H4C15: variants seen among roughly 807,000 people sequenced by gnomAD.
H4C15 encodes the protein histone H4.
downstream of H4C15, chr1:149,850,596 T>C (rs1470901127): frequency 3.5e-6 from 2 of 577,634 alleles, no homozygotes; most frequent in South Asian, 3.9e-5. Flanking sequence ...ATGATGCCCA[T>C]GGCCTTGCAC....
chr1:149,850,575 G>C (rs782629593), downstream of H4C15: 21 of 650,212 alleles, frequency 3.2e-5, no homozygotes, highest in African/African-American at 7.0e-5. Context: ...ATGTCGTTGA[G>C]GAAGGAGTTC....
At chr1:149,848,485 C>A in the H4C15 span, 22 of 152,312 alleles carry the variant, frequency 1.4e-4, no homozygotes, top group Admixed American at 1.2e-3. Flanking sequence ...GCCTTCATAC[C>A]TAAAGACAGT....
At chr1:149,845,275 A>G in the H4C15 span, 1 of 152,262 alleles carries the variant, frequency 6.6e-6, no homozygotes, top group Admixed American at 6.5e-5. Flanking sequence ...ACCACTGCAC[A>G]TTCGGATAAA....
chr1:149,849,932 C>T (rs995006661), downstream of H4C15, among the ~76,000 whole-genome samples: 3 of 152,314 alleles, frequency 2.0e-5, no homozygotes, highest in East Asian at 5.8e-4. Flanking sequence ...TTAATCTCTA[C>T]CTTCATTTTA....
chr1:149,850,752 C>T (rs1553757722), downstream of H4C15: 3 of 237,848 alleles, frequency 1.3e-5, no homozygotes, highest in Non-Finnish European at 2.2e-5. Flanking sequence ...GGAGCCGGCG[C>T]GAACTTTGCA....
chr1:149,846,038 G>T, the H4C15 span: 1 of 152,026 alleles, frequency 6.6e-6, no homozygotes, highest in Admixed American at 6.6e-5. Flanking sequence ...AGAGAAGGGG[G>T]TTAGGTTTGT....
chr1:149,845,594 A>T, the H4C15 span: 1 of 152,296 alleles, frequency 6.6e-6, no homozygotes, highest in African/African-American at 2.4e-5. Flanking sequence ...CAAGCTGGTT[A>T]ATGTGGCTGA....
At chr1:149,848,120 A>C in the H4C15 span, 1 of 152,304 alleles carries the variant, frequency 6.6e-6, no homozygotes, top group Admixed American at 6.5e-5. Flanking sequence ...AAAATTTCAC[A>C]TCTGAAAAAA....
At chr1:149,846,750 T>G in the H4C15 span, 1 of 152,210 alleles carries the variant, frequency 6.6e-6, no homozygotes, top group African/African-American at 2.4e-5. Context: ...AAATAGGATA[T>G]TCTCCTAAAT....
the H4C15 span, chr1:149,845,828 AAG>A: frequency 6.6e-6 from 1 of 152,206 alleles, no homozygotes; most frequent in African/African-American, 2.4e-5. Flanking sequence ...GGCTGACTGA[AAG>A]AGAAATCAAG....
At chr1:149,845,858 T>C in the H4C15 span, 1 of 152,220 alleles carries the variant, frequency 6.6e-6, no homozygotes, top group Non-Finnish European at 1.5e-5. Flanking sequence ...TGTAGGTTTT[T>C]ACACTGAGCA....
downstream of H4C15, chr1:149,850,354 G>A: frequency 1.2e-6 from 1 of 829,170 alleles, no homozygotes; most frequent in Non-Finnish European, 2.0e-6. Flanking sequence ...GCGGAGGGAG[G>A]GAGGGAGGGA....
chr1:149,846,341 ATCAT>A, the H4C15 span: 6 of 152,210 alleles, frequency 3.9e-5, no homozygotes, highest in Non-Finnish European at 7.3e-5. Context: ...ACCAATGGAT[ATCAT>A]TCAGAGTTCT....
downstream of H4C15, chr1:149,849,164 T>C (rs2092158038): frequency 6.6e-6 from 1 of 152,256 alleles, no homozygotes; most frequent in Non-Finnish European, 1.5e-5. Flanking sequence ...CACCTATTAA[T>C]TCTACCTCAA....
the H4C15 span, chr1:149,845,973 C>T: frequency 6.6e-6 from 1 of 151,962 alleles, no homozygotes; most frequent in Non-Finnish European, 1.5e-5. Flanking sequence ...TGGTAAATAT[C>T]GAAGTGTAAA....
At chr1:149,850,385 G>C (rs587750350), downstream of H4C15, 2 of 776,390 alleles carry the variant, frequency 2.6e-6, no homozygotes, top group Non-Finnish European at 2.3e-6. Flanking sequence ...GCCAGGTCCC[G>C]GCAGGGACTC....
At chr1:149,850,258 G>A (rs2092169792), downstream of H4C15, 1 of 1,186,742 alleles carries the variant, frequency 8.4e-7, no homozygotes, top group Non-Finnish European at 1.2e-6. Context: ...ACATCAACTG[G>A]GACTGACAAC....
chr1:149,850,569 C>G, downstream of H4C15: 2 of 672,828 alleles, frequency 3.0e-6, no homozygotes, highest in South Asian at 1.8e-5. Context: ...TCGAAGATGT[C>G]GTTGAGGAAG....
the H4C15 span, chr1:149,848,861 A>C: frequency 6.6e-6 from 1 of 152,250 alleles, no homozygotes; most frequent in African/African-American, 2.4e-5. Context: ...AAAAATACTT[A>C]AAGGTGATGT....
Sources: allele counts gnomAD v4.1 joint callset (sites outside exome capture counted in the v4.1 genomes callset), GRCh38; gene constraint gnomAD v4.1.1; transcripts MANE v1.5; gene names NCBI Gene and HGNC (gene_info 2026-07-23, HGNC 2026-07-21).